HAVCR1: variants seen among roughly 807,000 people sequenced by gnomAD.
The protein encoded by HAVCR1 is T cell immunoglobin domain and mucin domain protein 1.
HAVCR1 carries 34 observed loss-of-function variants against 32.0 expected under a neutral mutation model. The ratio of observed to expected loss-of-function variants is 1.06; its 90% CI spans 0.81 to 1.42. The LOEUF is 1.42. HAVCR1 is among the 40% of genes most tolerant of loss of function. HAVCR1 has a pLI of 0.00. For synonymous variants in HAVCR1, 178 were observed against 170.3 expected, an observed-to-expected ratio of 1.05 and a Z score of -0.35; for missense variants, 420 against 442.3, an observed-to-expected ratio of 0.95 and a Z score of 0.45.
Position 157,057,903 on chromosome 5 carries a change from A to G in HAVCR1, c.41T>C (p.Leu14Pro). 1 of 1,611,350 alleles carries G rather than the reference A, an allele frequency of 6.2e-7. No homozygotes were observed. Among genetic ancestry groups the G allele is most frequent in the South Asian group, 1.1e-5 (1 of 90,974 alleles). The change falls in exon 2 of 9, where the codon CTG becomes CCG. Residue 14 changes from leucine to proline, a missense_variant. Transcript: ENST00000523175. The part of the protein sequence containing the change: ...QVVILSLILH[L>P]ADSVAGSVKV... ...CAGGGCACCTACTCACTTACCTGCC[A>G]GATGTAGGATGAGGCTTAAGATGAC...
rs748923252 is a variant in HAVCR1, at chr5:157,055,261, C to T, written c.319G>A (p.Val107Ile). Residue 107 changes from valine to isoleucine, a missense_variant, in exon 3 of 9, where the codon GTT becomes ATT. Coordinates refer to ENST00000523175, the MANE Select transcript of HAVCR1 (RefSeq NM_001173393.3). ...VSDSGVYCCR[V>I]EHRGWFNDMK... ...TCATTGAACCACCCACGGTGCTCAA[C>T]ACGGCAACAATATACGCCACTGTCA... 2 of 1,612,558 alleles carry T rather than the reference C, an allele frequency of 1.2e-6. No homozygotes were observed. The highest frequency in any genetic ancestry group is 2.2e-5 in the South Asian group (2 of 90,932).
intron 6 of HAVCR1, among the ~76,000 whole-genome samples, chr5:157,038,844 A>G (rs1057136411): frequency 6.6e-6 from 1 of 152,178 alleles, no homozygotes; most frequent in Admixed American, 6.5e-5. Flanking sequence ...AAAAACCACA[A>G]CCAGGTCACG....
chr5:157,039,294 T>C (rs1052896174), intron 6 of HAVCR1, among the ~76,000 whole-genome samples: 4 of 152,236 alleles, frequency 2.6e-5, no homozygotes, highest in African/African-American at 9.6e-5. Flanking sequence ...AAGTAGCTTC[T>C]TTCACTTAAT....
chr5:157,063,183 C>CATTTAACAA (rs1163806872), upstream of HAVCR1, among the ~76,000 whole-genome samples: 1 of 145,550 alleles, frequency 6.9e-6, no homozygotes, highest in Non-Finnish European at 1.5e-5. Flanking sequence ...AAAGTGTACT[C>CATTTAACAA]ATTTAACAAT....
chr5:157,030,477 C>A (rs1754109464), intron 8 of HAVCR1, among the ~76,000 whole-genome samples: 1 of 152,118 alleles, frequency 6.6e-6, no homozygotes, highest in African/African-American at 2.4e-5. Context: ...CATAGCGAGA[C>A]CCCGTCTCTA....
At chr5:157,046,616 A>T (rs1438411044) in intron 5 of HAVCR1, among the ~76,000 whole-genome samples, 1 of 152,140 alleles carries the variant, frequency 6.6e-6, no homozygotes, top group African/African-American at 2.4e-5. Flanking sequence ...AGATTGGGTA[A>T]TTTAAACAGA....
chr5:157,029,591 C>T lies in HAVCR1; in HGVS notation c.*142G>A, dbSNP rs190777889. ...AGTTTGGAGTGAGAGAGTTACTCTA[C>T]CCAGTATCACTGACATGTTGGAATG... is the stretch of plus-strand genomic sequence containing the variant. On this transcript the variant is annotated 3_prime_UTR_variant, in exon 9 of 9. Coordinates refer to ENST00000523175, the MANE Select transcript of HAVCR1 (RefSeq NM_001173393.3). 148 of 1,537,766 alleles carry T rather than the reference C, an allele frequency of 9.6e-5. No homozygotes were observed. The highest frequency in any genetic ancestry group is 1.2e-4 in the Non-Finnish European group (135 of 1,145,784).
rs111358310 is a variant in HAVCR1, at chr5:157,055,346, C to T, written c.234G>A (p.Lys78=). 4.9e-5 allele frequency: 79 copies of T among 1,613,506 alleles called. 3 individuals carry two copies. The highest frequency in any genetic ancestry group is 4.7e-4 in the African/African-American group (35 of 74,898). ...HVTYRKDTRY[K]LLGDLSRRDV... is the part of the protein sequence containing the mutation. ...CCCTTCTTGAAAGGTCCCCCAATAG[C>T]TTATAGCGTGTGTCCTTCCGATAGG... Residue 78 remains lysine, a synonymous_variant, in exon 3 of 9, where the codon AAG becomes AAA. Coordinates refer to ENST00000523175, the MANE Select transcript of HAVCR1 (RefSeq NM_001173393.3).
At chr5:157,031,683 G>T (rs1017349161) in intron 8 of HAVCR1, among the ~76,000 whole-genome samples, 7 of 151,808 alleles carry the variant, frequency 4.6e-5, no homozygotes, top group African/African-American at 1.7e-4. Flanking sequence ...AGCCAGGCAT[G>T]GTGGCAGGTG....
intron 3 of HAVCR1, among the ~76,000 whole-genome samples, chr5:157,053,743 A>T (rs543937754): frequency 1.8e-4 from 28 of 151,862 alleles, no homozygotes; most frequent in Admixed American, 6.6e-4. Flanking sequence ...GGTGGTGCGC[A>T]CCTGTAGTCC....
At chr5:157,047,671 C>T (rs543936152) in intron 5 of HAVCR1, among the ~76,000 whole-genome samples, 3 of 152,294 alleles carry the variant, frequency 2.0e-5, no homozygotes, top group Admixed American at 6.5e-5. Context: ...CCATATACCT[C>T]ATCCTGTGCA....
intron 5 of HAVCR1, among the ~76,000 whole-genome samples, chr5:157,048,817 G>A (rs1465047331): frequency 2.1e-5 from 3 of 146,276 alleles, no homozygotes; most frequent in East Asian, 2.0e-4. Flanking sequence ...GCAACAATGC[G>A]AGACTCCATC....
intron 5 of HAVCR1, among the ~76,000 whole-genome samples, chr5:157,044,421 G>GAGAAAGAAAAGAA (rs1755127303): frequency 5.9e-5 from 2 of 33,770 alleles, no homozygotes; most frequent in African/African-American, 3.8e-4. Context: ...AGGAAGGAAG[G>GAGAAAGAAAAGAA]AGAAAGAAAG....
upstream of HAVCR1, among the ~76,000 whole-genome samples, chr5:157,059,416 C>G (rs1229938092): frequency 1.3e-5 from 2 of 152,194 alleles, no homozygotes; most frequent in East Asian, 3.9e-4. Context: ...TGGCTCGTGC[C>G]TGTAACCCCA....
chr5:157,047,565 AG>A (rs1326079679), intron 5 of HAVCR1, among the ~76,000 whole-genome samples: 5 of 149,640 alleles, frequency 3.3e-5, no homozygotes, highest in Admixed American at 1.3e-4. Flanking sequence ...AAAAAAAAAA[AG>A]TACAAGAAGA....
At chr5:157,056,852 T>C (rs1181360783) in intron 2 of HAVCR1, among the ~76,000 whole-genome samples, 1 of 152,180 alleles carries the variant, frequency 6.6e-6, no homozygotes, top group African/African-American at 2.4e-5. Context: ...AATTAGGATA[T>C]GTCTATTTTA....
intron 4 of HAVCR1, 95 bp downstream of exon 4, chr5:157,052,266 C>T (rs908230802): frequency 1.4e-5 from 15 of 1,091,542 alleles, no homozygotes; most frequent in Non-Finnish European, 2.0e-5. Context: ...TAAGACCCCT[C>T]ACTCTAGACT....
At position 157,055,335 on chromosome 5, in the gene HAVCR1, TCC is replaced by T. The variant is rs1561603217; in HGVS notation, c.243_244del (p.Asp82ProfsTer17). 1 of 1,612,854 alleles carries T rather than the reference TCC, an allele frequency of 6.2e-7. No homozygotes were observed. The highest frequency in any genetic ancestry group is 2.2e-5 in the East Asian group (1 of 44,872). ...CAAAGAGACATCCCTTCTTGAAAGG[TCC>T]CCCAATAGCTTATAGCGTGTGTCCT... On this transcript the variant is annotated frameshift_variant, in exon 3 of 9. Transcript: ENST00000523175. LOFTEE classifies it high-confidence loss of function.
the HAVCR1 span, among the ~76,000 whole-genome samples, chr5:157,066,412 G>A: frequency 2.6e-5 from 4 of 151,600 alleles, no homozygotes; most frequent in Non-Finnish European, 5.9e-5. Context: ...GGCTAAGCGG[G>A]AGGGATCACT....
Sources: allele counts gnomAD v4.1 joint callset (sites outside exome capture counted in the v4.1 genomes callset), GRCh38; gene constraint gnomAD v4.1.1; transcripts MANE v1.5; gene names NCBI Gene and HGNC (gene_info 2026-07-23, HGNC 2026-07-21).